Variants in PIGN observed in about 807,000 individuals in gnomAD.
The protein encoded by PIGN is GPI ethanolamine phosphate transferase 1.
PIGN carries 117 observed loss-of-function variants against 125.4 expected under a neutral mutation model. That is an observed-to-expected ratio of 0.93 (90% CI 0.80 to 1.09). The LOEUF (loss-of-function observed/expected upper bound fraction) is 1.09. Ranked by LOEUF, PIGN falls within the 50% of genes least tolerant of loss-of-function variation. The pLI is 0.00. For synonymous variants in PIGN, 392 were observed against 377.8 expected, an observed-to-expected ratio of 1.04 and a Z score of -0.44; for missense variants, 1,075 against 1,094.9, an observed-to-expected ratio of 0.98 and a Z score of 0.26.
chr18:62,107,344 C>T, intron 17 of PIGN: 1 of 369,556 alleles, frequency 2.7e-6, no homozygotes, highest in East Asian at 6.0e-5. Flanking sequence ...CCTGTAATCC[C>T]AGCACTTTGG....
intron 1 of PIGN, among the ~76,000 whole-genome samples, chr18:62,164,181 C>T (rs755796631): frequency 3.9e-5 from 6 of 151,976 alleles, no homozygotes; most frequent in Non-Finnish European, 7.4e-5. Context: ...TGGGTATTGA[C>T]CAAAGGCAGT....
In PIGN at chr18:62,138,257, CA is replaced by C; in HGVS notation, c.1157del (p.Leu386CysfsTer17). On this transcript the variant is annotated frameshift_variant, in exon 14 of 31. Coordinates refer to ENST00000640252, the MANE Select transcript of PIGN (RefSeq NM_176787.5). LOFTEE classifies it high-confidence loss of function. ...AAGGGACTTACTTAAATGGTGTAAACAAAAATGGTAAAGTAACTTCTTTCTT... is the reference window on the plus strand; with the variant it reads ...AAGGGACTTACTTAAATGGTGTAAACAAAATGGTAAAGTAACTTCTTTCTT... Reference protein sequence around the residue: ...TQKKEVTLPFLFTPFKLLSDS... With the variant: ...TQKKEVTLPFXFTPFKLLSDS... The C allele has an allele frequency of 6.5e-7, 1 of 1,547,112 alleles. No homozygotes were observed. The highest frequency in any genetic ancestry group is 2.0e-5 in the Admixed American group (1 of 50,142).
chr18:62,078,706 T>C (rs1469186573), intron 28 of PIGN, among the ~76,000 whole-genome samples: 1 of 152,256 alleles, frequency 6.6e-6, no homozygotes, highest in Non-Finnish European at 1.5e-5. Flanking sequence ...TATGGTATTA[T>C]TTGATCTCCA....
intron 4 of PIGN, 71 bp from the exon 5 acceptor site, chr18:62,157,879 A>G (rs890284163): frequency 5.5e-5 from 75 of 1,367,844 alleles, no homozygotes; most frequent in Non-Finnish European, 7.2e-5. Context: ...CTTTAGAAAC[A>G]TAAGATTATT....
At chr18:62,154,210 T>C (rs2036637767) in intron 7 of PIGN, 1 of 330,602 alleles carries the variant, frequency 3.0e-6, no homozygotes, top group African/African-American at 2.1e-5. Context: ...CCAAAGGCTT[T>C]CCTACATCTC....
chr18:62,063,038 T>C (rs1353304966), intron 30 of PIGN, among the ~76,000 whole-genome samples: 1 of 151,698 alleles, frequency 6.6e-6, no homozygotes. Flanking sequence ...AATGCAAGCT[T>C]GCACTAGCTC....
rs769424621 is a variant in PIGN, at chr18:62,143,381, A to G, written c.923-35T>C. On this transcript the variant is annotated intron_variant, in intron 10 of 30. Coordinates refer to ENST00000640252, the MANE Select transcript of PIGN (RefSeq NM_176787.5). Reference sequence around the variant, plus strand: ...ACAATCAGACACAAGATCTGATGTTAAGATTTAAAAAAGAATAAATCATTT... The same window carrying G: ...ACAATCAGACACAAGATCTGATGTTGAGATTTAAAAAAGAATAAATCATTT... 2.0e-5 allele frequency: 26 copies of G among 1,306,906 alleles called. No individual in the cohort carries two copies. In the East Asian group the frequency reaches 6.1e-4, roughly 31 times the overall value. 81.0% of individuals were successfully genotyped at this position (1,306,906 alleles called of 1,614,324 possible).
intron 23 of PIGN, among the ~76,000 whole-genome samples, chr18:62,022,274 C>A (rs1018803332): frequency 6.6e-6 from 1 of 152,160 alleles, no homozygotes; most frequent in Admixed American, 6.5e-5. Context: ...GGAGAGGTAA[C>A]TTGGAAGTCA....
rs368280915 is a variant in PIGN, at chr18:62,157,713, T to C, written c.317A>G (p.Tyr106Cys). 6.2e-7 allele frequency: 1 copy of C among 1,611,990 alleles called. No homozygotes were observed. Among genetic ancestry groups the C allele is most frequent in the Non-Finnish European group, 8.5e-7 (1 of 1,178,910 alleles). ...PGHVALIAGFYEDVSAVAKGW... is the reference protein window; with the variant it reads ...PGHVALIAGFCEDVSAVAKGW... The stretch of plus-strand genomic sequence containing the variant: ...TTTGGCAACTGCACTGACATCTTCA[T>C]AAAACCCAGCTATCAGAGCTACATG... Residue 106 changes from tyrosine to cysteine, a missense_variant, in exon 5 of 31, where the codon TAT (tyrosine) becomes TGT (cysteine). Transcript: ENST00000640252.
chr18:62,023,567 G>A (rs1406216703), intron 23 of PIGN, among the ~76,000 whole-genome samples: 1 of 152,148 alleles, frequency 6.6e-6, no homozygotes, highest in Admixed American at 6.5e-5. Flanking sequence ...CTCAATGGTG[G>A]CTGTATCAAC....
chr18:62,127,014 T>C (rs112132949), intron 14 of PIGN, among the ~76,000 whole-genome samples: 10,170 of 152,230 alleles, frequency 0.067, 636 homozygotes, highest in African/African-American at 0.16. Flanking sequence ...CTTAAAGCAG[T>C]ATTTCTCAAG....
At chr18:62,126,441 A>G (rs1024220510) in intron 14 of PIGN, among the ~76,000 whole-genome samples, 2 of 152,160 alleles carry the variant, frequency 1.3e-5, no homozygotes, top group Admixed American at 6.6e-5. Context: ...CTGGAGCAAA[A>G]GAACTAGTGT....
intron 30 of PIGN, among the ~76,000 whole-genome samples, chr18:62,064,564 C>A (rs774198688): frequency 3.3e-5 from 5 of 152,156 alleles, no homozygotes; most frequent in Admixed American, 3.3e-4. Flanking sequence ...CATTATTGTG[C>A]AATCAGTCTT....
At chr18:62,186,081 C>T (rs796746577) in intron 1 of PIGN, among the ~76,000 whole-genome samples, 5 of 122,252 alleles carry the variant, frequency 4.1e-5, no homozygotes, top group Admixed American at 3.2e-4. Context: ...GACGGAGTCT[C>T]GTTCTGTCGC....
At chr18:62,165,880 T>C (rs1210134267) in intron 1 of PIGN, among the ~76,000 whole-genome samples, 1 of 152,118 alleles carries the variant, frequency 6.6e-6, no homozygotes, top group Non-Finnish European at 1.5e-5. Flanking sequence ...CTGAGTCCCA[T>C]TAAAGTGGTT....
chr18:62,094,815 G>A (rs949768387), intron 23 of PIGN, among the ~76,000 whole-genome samples: 2 of 152,108 alleles, frequency 1.3e-5, no homozygotes, highest in Admixed American at 6.5e-5. Context: ...GTTAGGCAGG[G>A]GGAAGGGAAA....
Position 62,045,831 on chromosome 18 carries a change from G to A in PIGN, c.*25C>T. 1 of 1,612,122 alleles carries A rather than the reference G, an allele frequency of 6.2e-7. No individual in the cohort carries two copies. Among genetic ancestry groups the A allele is most frequent in the Non-Finnish European group, 8.5e-7 (1 of 1,178,822 alleles). ...AGCTTAAAAGGAGAATCAGGATCCA[G>A]ATGCTGAATGGTGCTTCAGCAACCT... On this transcript the variant is annotated 3_prime_UTR_variant, in exon 31 of 31. Transcript: ENST00000640252.
chr18:62,107,568 G>C (rs536949747), intron 17 of PIGN: 1 of 151,292 alleles, frequency 6.6e-6, no homozygotes, highest in African/African-American at 2.4e-5. Flanking sequence ...ACTCCAGCCC[G>C]GACAACAAGA....
At chr18:62,167,826 C>T (rs1330541533) in intron 1 of PIGN, among the ~76,000 whole-genome samples, 1 of 151,948 alleles carries the variant, frequency 6.6e-6, no homozygotes, top group African/African-American at 2.4e-5. Flanking sequence ...GTTTAATGGA[C>T]ATTTTTTAGT....
Sources: gnomAD v4.1 joint callset for allele counts (sites outside exome capture counted in the v4.1 genomes callset) on GRCh38, gnomAD v4.1.1 for gene constraint, MANE v1.5 for transcripts, NCBI Gene and HGNC (gene_info 2026-07-23, HGNC 2026-07-21) for gene names.